Variants in ZNF431 observed in about 807,000 individuals in gnomAD.
ZNF431 encodes the protein zinc finger protein 431.
ZNF431 carries 34 observed loss-of-function variants against 57.0 expected under a neutral mutation model. The ratio of observed to expected loss-of-function variants is 0.60; its 90% CI spans 0.45 to 0.79. The LOEUF is 0.79. Ranked by LOEUF, ZNF431 falls within the 30% of genes least tolerant of loss-of-function variation. The pLI is 0.00. For missense variants in ZNF431, 607 were observed against 667.1 expected (o/e 0.91, Z 0.99); for synonymous variants, 207 against 220.3 (o/e 0.94, Z 0.54).
chr19:21,142,334 T>A, intron 1 of ZNF431, 148 bp downstream of exon 1: 1 of 1,116,686 alleles, frequency 9.0e-7, no homozygotes, highest in Non-Finnish European at 1.3e-6. Context: ...CTCAGTCCCC[T>A]CCAGCCATAA....
rs1334411142 is a variant in ZNF431, at chr19:21,166,417, A to G, written c.179A>G (p.Tyr60Cys). The change falls in exon 3 of 5, where the codon TAT becomes TGT. Residue 60 changes from tyrosine to cysteine, a missense_variant. Coordinates refer to ENST00000311048, the MANE Select transcript of ZNF431 (RefSeq NM_133473.4). ...CTGAACCCTGCTCAGCAGAATTTATATATGAATGTGATGTTAGAAAACTAC... is the reference window on the plus strand; with the variant it reads ...CTGAACCCTGCTCAGCAGAATTTATGTATGAATGTGATGTTAGAAAACTAC... ...ECLNPAQQNLYMNVMLENYKN... is the reference protein window; with the variant it reads ...ECLNPAQQNLCMNVMLENYKN... The G allele has an allele frequency of 1.2e-6, 2 of 1,611,254 alleles. No individual in the cohort carries two copies. The highest frequency in any genetic ancestry group is 1.7e-6 in the Non-Finnish European group (2 of 1,179,454).
intron 2 of ZNF431, among the ~76,000 whole-genome samples, chr19:21,152,683 G>C (rs1246873035): frequency 6.6e-6 from 1 of 152,130 alleles, no homozygotes; most frequent in Non-Finnish European, 1.5e-5. Flanking sequence ...TTAACCCACT[G>C]TGTCTTAGGA....
In ZNF431 at chr19:21,189,853, T is replaced by G. The variant is rs775663273; in HGVS notation, c.*5819T>G. 4.3e-5 allele frequency: 17 copies of G among 397,236 alleles called. No homozygotes were observed. The highest frequency in any genetic ancestry group is 6.2e-5 in the Non-Finnish European group (14 of 225,770). The allele number at this position is 397,236 out of a possible 1,614,324, so 24.6% of individuals were successfully genotyped here. A position where few individuals can be genotyped will look rare whatever the true frequency, so the allele number is the denominator to read the frequency against. On this transcript the variant is annotated 3_prime_UTR_variant, in exon 5 of 5. Transcript: ENST00000311048. ...TGTGATTGAGAATAATAGTTTTTGTTTTTTTTTTAAGGCCAGGAGTGGTGG... is the reference window on the plus strand; with the variant it reads ...TGTGATTGAGAATAATAGTTTTTGTGTTTTTTTTAAGGCCAGGAGTGGTGG...
In ZNF431 at chr19:21,142,065, G is replaced by A; in HGVS notation, c.-119G>A. The A allele has an allele frequency of 7.3e-7, 1 of 1,361,350 alleles. No individual in the cohort carries two copies. The highest frequency in any genetic ancestry group is 1.0e-6 in the Non-Finnish European group (1 of 964,314). 84.3% of individuals were successfully genotyped at this position (1,361,350 alleles called of 1,614,324 possible). A position where few individuals can be genotyped will look rare whatever the true frequency, so the allele number is the denominator to read the frequency against. ...GTCTCTCGCCGCAGCCTGAGCTCCAGGTCTCCCCTTCGCTGCTCTGTGTCC... is the reference window on the plus strand; with the variant it reads ...GTCTCTCGCCGCAGCCTGAGCTCCAAGTCTCCCCTTCGCTGCTCTGTGTCC... On this transcript the variant is annotated 5_prime_UTR_variant, in exon 1 of 5. Transcript: ENST00000311048.
chr19:21,161,970 T>C (rs530971782), intron 2 of ZNF431, among the ~76,000 whole-genome samples: 1 of 151,998 alleles, frequency 6.6e-6, no homozygotes, highest in Non-Finnish European at 1.5e-5. Flanking sequence ...CCTTGTTTTT[T>C]GTTTTTTTGT....
chr19:21,183,364 A>G lies in ZNF431; in HGVS notation c.1061A>G (p.Asn354Ser), dbSNP rs758118322. Residue 354 changes from asparagine to serine, a missense_variant, in exon 5 of 5, where the codon AAT becomes AGT. Asn to Ser is a conservative substitution (Grantham distance 46). Transcript: ENST00000311048. The part of the protein sequence containing the change: ...YKCEECDKAF[N>S]RFSYLTKHKI... ...TGTGAGGAATGTGACAAAGCTTTTA[A>G]TCGATTCTCATACCTTACTAAACAT... 1.8e-5 allele frequency: 29 copies of G among 1,613,656 alleles called. No homozygotes were observed. The highest frequency in any genetic ancestry group is 1.7e-6 in the Non-Finnish European group (2 of 1,179,846).
chr19:21,161,398 C>T lies in ZNF431; in HGVS notation c.97-4937C>T, dbSNP rs548785076. 5.3e-5 allele frequency among the ~76,000 whole-genome samples: 8 copies of T among 152,076 alleles called. No individual in the cohort carries two copies. The East Asian group carries it at 9.7e-4, about 18-fold the overall frequency. ...TGGACAGGAGAATTTTATTATTATT[C>T]GTGTTTCTTTTACCTTGCTAAGAAT... On this transcript the variant is annotated intron_variant, in intron 2 of 4. Transcript: ENST00000311048.
rs1298387188 is a variant in ZNF431, at chr19:21,188,415, G to C, written c.*4381G>C. ...AAATACAGAAATTAAATTTTTAAGA[G>C]AGTTAATGGTAAGTAAACAATTTTA... On this transcript the variant is annotated 3_prime_UTR_variant, in exon 5 of 5. Coordinates refer to ENST00000311048, the MANE Select transcript of ZNF431 (RefSeq NM_133473.4). The C allele has an allele frequency of 6.6e-6, 1 of 152,198 alleles. No homozygotes were observed. The highest frequency in any genetic ancestry group is 6.5e-5 in the Admixed American group (1 of 15,278). The allele number at this position is 152,198 out of a possible 1,614,324, so 9.4% of individuals were successfully genotyped here. A position where few individuals can be genotyped will look rare whatever the true frequency, so the allele number is the denominator to read the frequency against.
intron 1 of ZNF431, among the ~76,000 whole-genome samples, chr19:21,142,967 A>G (rs903709512): frequency 1.3e-5 from 2 of 152,052 alleles, no homozygotes; most frequent in Non-Finnish European, 2.9e-5. Context: ...AATTATTTTC[A>G]CAGTCCATGG....
At chr19:21,156,900 A>C (rs186201876) in intron 2 of ZNF431, among the ~76,000 whole-genome samples, 1 of 152,126 alleles carries the variant, frequency 6.6e-6, no homozygotes, top group African/African-American at 2.4e-5. Flanking sequence ...TCAGCCCCCA[A>C]AGTAGCTGGG....
At chr19:21,169,732 T>G (rs1252498360) in intron 4 of ZNF431, 1 of 398,410 alleles carries the variant, frequency 2.5e-6, no homozygotes, top group African/African-American at 2.1e-5. Context: ...CCTATCAGGA[T>G]GTGAATGGGT....
At chr19:21,151,440 T>G (rs1308349842) in intron 2 of ZNF431, among the ~76,000 whole-genome samples, 1 of 152,188 alleles carries the variant, frequency 6.6e-6, no homozygotes, top group Admixed American at 6.5e-5. Context: ...GCTTTTGAAT[T>G]TTACCAAAAG....
rs1970758969 is a variant in ZNF431, at chr19:21,167,625, C to G, written c.278C>G (p.Pro93Arg). The stretch of plus-strand genomic sequence containing the variant: ...ACCTGTCTGGAGCAAGAAAAAGAGC[C>G]CTGGAATATGAAGAGACATGAGATG... ...PVTCLEQEKE[P>R]WNMKRHEMVD... The change falls in exon 4 of 5, where the codon CCC becomes CGC. Residue 93 changes from proline to arginine, a missense_variant. Physicochemically the swap from Pro to Arg is moderately radical, Grantham distance 103. Coordinates refer to ENST00000311048, the MANE Select transcript of ZNF431 (RefSeq NM_133473.4). 11 of 1,587,728 alleles carry G rather than the reference C, an allele frequency of 6.9e-6. No individual in the cohort carries two copies. The highest frequency in any genetic ancestry group is 1.4e-5 in the African/African-American group (1 of 73,674).
chr19:21,150,900 C>T lies in ZNF431; in HGVS notation c.96+7257C>T, dbSNP rs904686491. ...AACAGAACCTTAGATTTTGAGAAGG[C>T]TCTATCCACCTTCAATTTTTGGAGT... On this transcript the variant is annotated intron_variant, in intron 2 of 4. Coordinates refer to ENST00000311048, the MANE Select transcript of ZNF431 (RefSeq NM_133473.4). Among the ~76,000 whole-genome samples, 16 of 152,058 alleles carry T rather than the reference C, an allele frequency of 1.1e-4. No individual in the cohort carries two copies. In the East Asian group the frequency reaches 2.3e-3, roughly 22 times the overall value.
At chr19:21,148,789 A>C in intron 2 of ZNF431, among the ~76,000 whole-genome samples, 1 of 152,216 alleles carries the variant, frequency 6.6e-6, no homozygotes, top group East Asian at 1.9e-4. Flanking sequence ...ATTACATACT[A>C]GGAGTGAAGT....
At position 21,183,687 on chromosome 19, in the gene ZNF431, G is replaced by A. The variant is rs777049010; in HGVS notation, c.1384G>A (p.Gly462Ser). 4.3e-6 allele frequency: 7 copies of A among 1,613,692 alleles called. No individual in the cohort carries two copies. The highest frequency in any genetic ancestry group is 5.1e-6 in the Non-Finnish European group (6 of 1,179,986). Residue 462 changes from glycine to serine, a missense_variant, in exon 5 of 5, where the codon GGC becomes AGC. Gly to Ser is a moderately conservative substitution (Grantham distance 56). Transcript: ENST00000311048. ...GAAACCTTACAAATGTGAAGAATGTGGCAAAGCTTTTAGCCAGTCATCAAT... is the reference window on the plus strand; with the variant it reads ...GAAACCTTACAAATGTGAAGAATGTAGCAAAGCTTTTAGCCAGTCATCAAT... Reference protein sequence around the residue: ...GEKPYKCEECGKAFSQSSILT... With the variant: ...GEKPYKCEECSKAFSQSSILT...
intron 2 of ZNF431, among the ~76,000 whole-genome samples, chr19:21,156,069 T>C (rs767108463): frequency 1.8e-4 from 27 of 152,166 alleles, no homozygotes; most frequent in Non-Finnish European, 4.0e-4. Flanking sequence ...TCCACACCTC[T>C]CCCAGCACTA....
rs1033813329 is a variant in ZNF431, at chr19:21,192,601, T to G, written c.*8567T>G. The G allele has an allele frequency of 1.3e-5, 2 of 152,178 alleles. No individual in the cohort carries two copies. The highest frequency in any genetic ancestry group is 4.8e-5 in the African/African-American group (2 of 41,446). 9.4% of individuals were successfully genotyped at this position (152,178 alleles called of 1,614,324 possible). A position where few individuals can be genotyped will look rare whatever the true frequency, so the allele number is the denominator to read the frequency against. ...GCCTTTGATTTTTTTCTCTAATTTC[T>G]TTGTCTTGGATATTTAGTACCATGT... On this transcript the variant is annotated 3_prime_UTR_variant, in exon 5 of 5. Coordinates refer to ENST00000311048, the MANE Select transcript of ZNF431 (RefSeq NM_133473.4).
rs1971548122 is a variant in ZNF431, at chr19:21,193,489, T to G, written c.*9455T>G. On this transcript the variant is annotated 3_prime_UTR_variant, in exon 5 of 5. Transcript: ENST00000311048. ...TTGCAGTGAGCCGAGATCGCGCCAT[T>G]GCACTCCAGCCTAGGCAATGAGTGA... 6.6e-6 allele frequency: 1 copy of G among 152,326 alleles called. No individual in the cohort carries two copies. The highest frequency in any genetic ancestry group is 1.5e-5 in the Non-Finnish European group (1 of 68,122). 9.4% of individuals were successfully genotyped at this position (152,326 alleles called of 1,614,324 possible).
Sources: allele counts gnomAD v4.1 joint callset (sites outside exome capture counted in the v4.1 genomes callset), GRCh38; gene constraint gnomAD v4.1.1; transcripts MANE v1.5; gene names NCBI Gene and HGNC (gene_info 2026-07-23, HGNC 2026-07-21).